The following CXCL13 variants were observed in gnomAD, a reference collection of about 807,000 sequenced individuals.
CXCL13 encodes C-X-C motif chemokine ligand 13, also known as C-X-C motif chemokine 13.
In CXCL13, 7 loss-of-function variants were observed where a neutral mutation model predicts 12.2. The ratio of observed to expected loss-of-function variants is 0.57; its 90% CI spans 0.33 to 1.07. The LOEUF (loss-of-function observed/expected upper bound fraction) is 1.07, where lower values mean the gene tolerates loss of function less well. Ranked by LOEUF, CXCL13 falls within the 50% of genes least tolerant of loss-of-function variation. The pLI, the probability that CXCL13 is intolerant of heterozygous loss-of-function variation, is 0.04. For missense variants in CXCL13, 113 were observed against 127.4 expected, an observed-to-expected ratio of 0.89 and a Z score of 0.55; for synonymous variants, 47 against 42.4, an observed-to-expected ratio of 1.11 and a Z score of -0.42.
At chr4:77,592,022 C>T (rs1278741818) in intron 1 of CXCL13, among the ~76,000 whole-genome samples, 1 of 152,196 alleles carries the variant, frequency 6.6e-6, no homozygotes, top group East Asian at 1.9e-4. Context: ...ACATTTCTGG[C>T]CACCTTGATC....
chr4:77,561,310 C>A (rs1725806134), intron 1 of CXCL13, among the ~76,000 whole-genome samples: 1 of 152,202 alleles, frequency 6.6e-6, no homozygotes, highest in South Asian at 2.1e-4. Context: ...CTAACAAGAT[C>A]TGCAGGTAAT....
At chr4:77,566,683 T>C (rs1307695880) in intron 1 of CXCL13, among the ~76,000 whole-genome samples, 2 of 152,196 alleles carry the variant, frequency 1.3e-5, no homozygotes, top group Non-Finnish European at 2.9e-5. Flanking sequence ...TTTCAGAGCC[T>C]CCTGTCCCCT....
chr4:77,573,431 G>A (rs1726140359), intron 1 of CXCL13, among the ~76,000 whole-genome samples: 1 of 149,090 alleles, frequency 6.7e-6, no homozygotes, highest in African/African-American at 2.5e-5. Context: ...TGTGTTTTAT[G>A]TGTATTTACA....
rs377466922 is a variant in CXCL13, at chr4:77,572,595, T to A, written c.-42-33229T>A. Among the ~76,000 whole-genome samples, 8 of 151,986 alleles carry A rather than the reference T, an allele frequency of 5.3e-5. No individual in the cohort carries two copies. The East Asian group carries it at 5.8e-4, about 11-fold the overall frequency. ...TAAGAAGTCAAAAAAAAATAGATGTTCGTGAGGTTGCAAAGAAAAAGGAAT... is the reference window on the plus strand; with the variant it reads ...TAAGAAGTCAAAAAAAAATAGATGTACGTGAGGTTGCAAAGAAAAAGGAAT... On this transcript the variant is annotated intron_variant, in intron 1 of 4. Transcript: ENST00000286758.
At chr4:77,536,114 C>A (rs1008357420) in intron 1 of CXCL13, among the ~76,000 whole-genome samples, 2 of 152,038 alleles carry the variant, frequency 1.3e-5, no homozygotes, top group Non-Finnish European at 1.5e-5. Context: ...AGAAAGGAAG[C>A]CCAGTGATGT....
chr4:77,528,845 TC>T (rs1724836320), intron 1 of CXCL13, among the ~76,000 whole-genome samples: 2 of 152,366 alleles, frequency 1.3e-5, no homozygotes, highest in South Asian at 2.1e-4. Context: ...AGACATGAAG[TC>T]CTTGCCCATG....
At chr4:77,521,453 A>G (rs901189817) in intron 1 of CXCL13, among the ~76,000 whole-genome samples, 6 of 152,112 alleles carry the variant, frequency 3.9e-5, no homozygotes, top group East Asian at 3.9e-4. Context: ...GGGAGGGTGT[A>G]TGTGTCCAGG....
chr4:77,610,759 C>T (rs1727126686), intron 3 of CXCL13, 65 bp downstream of exon 3: 1 of 1,256,914 alleles, frequency 8.0e-7, no homozygotes, highest in East Asian at 2.3e-5. Context: ...CTTTCCTGGG[C>T]AGTCAAAATA....
In CXCL13 at chr4:77,594,366, G is replaced by A. The variant is rs553877945; in HGVS notation, c.-42-11458G>A. ...GTCCTGGTAGCACCACTTATCTGGA[G>A]TACAGATCACTGGAGCCATTTGTCT... On this transcript the variant is annotated intron_variant, in intron 1 of 4. Coordinates refer to the CXCL13 transcript ENST00000286758. Among the ~76,000 whole-genome samples, 15 of 152,280 alleles carry A rather than the reference G, an allele frequency of 9.9e-5. No individual in the cohort carries two copies. The South Asian group carries it at 2.3e-3, about 23-fold the overall frequency.
intron 1 of CXCL13, among the ~76,000 whole-genome samples, chr4:77,516,023 G>A (rs1336674347): frequency 1.3e-5 from 2 of 152,202 alleles, no homozygotes; most frequent in African/African-American, 4.8e-5. Context: ...GTGAAGTGCT[G>A]TTGAATTTTG....
At chr4:77,552,385 G>GCA (rs1318681519) in intron 1 of CXCL13, among the ~76,000 whole-genome samples, 4 of 152,148 alleles carry the variant, frequency 2.6e-5, no homozygotes, top group African/African-American at 9.7e-5. Flanking sequence ...ATTTCTGTCA[G>GCA]CAGGTTTTAT....
Position 77,611,013 on chromosome 4 carries a change from C to A in CXCL13, c.304C>A (p.Pro102Thr). Residue 102 changes from proline to threonine, a missense_variant, in exon 4 of 4, where the codon CCA becomes ACA. Coordinates refer to ENST00000682537, the MANE Select transcript of CXCL13 (RefSeq NM_001371558.1). The part of the protein sequence containing the change: ...RKRSSSTLPV[P>T]VFKRKIP The stretch of plus-strand genomic sequence containing the variant: ...AAGAAGTTCTTCAACTCTACCAGTT[C>A]CAGTGTTTAAGAGAAAGATTCCCTG... 1.9e-6 allele frequency: 3 copies of A among 1,611,370 alleles called. No homozygotes were observed. Among genetic ancestry groups the A allele is most frequent in the Non-Finnish European group, 2.5e-6 (3 of 1,179,572 alleles).
At chr4:77,518,290 G>A (rs1179382134) in intron 1 of CXCL13, among the ~76,000 whole-genome samples, 3 of 152,124 alleles carry the variant, frequency 2.0e-5, no homozygotes, top group African/African-American at 7.2e-5. Context: ...TGCTGTTCTG[G>A]AGGAGTATCT....
intron 1 of CXCL13, among the ~76,000 whole-genome samples, chr4:77,544,828 A>T (rs1257416350): frequency 6.6e-6 from 1 of 152,146 alleles, no homozygotes; most frequent in Admixed American, 6.5e-5. Flanking sequence ...GTCCATGCCT[A>T]TGTCCTGAAT....
At chr4:77,527,477 C>T (rs1204429347) in intron 1 of CXCL13, among the ~76,000 whole-genome samples, 1 of 151,866 alleles carries the variant, frequency 6.6e-6, no homozygotes, top group Non-Finnish European at 1.5e-5. Context: ...ACAGAAAATA[C>T]AAAAATTAAC....
intron 1 of CXCL13, among the ~76,000 whole-genome samples, chr4:77,593,055 A>T (rs1484267131): frequency 6.6e-6 from 1 of 152,200 alleles, no homozygotes; most frequent in Non-Finnish European, 1.5e-5. Flanking sequence ...CTTAGAACAG[A>T]GCCCTCTTGA....
chr4:77,572,480 G>GA (rs1274682381), intron 1 of CXCL13, among the ~76,000 whole-genome samples: 1 of 151,626 alleles, frequency 6.6e-6, no homozygotes, highest in Non-Finnish European at 1.5e-5. Context: ...ACAATCGTAT[G>GA]AAAAAAAGCT....
Position 77,523,701 on chromosome 4 carries a change from C to G in CXCL13, c.-43+11913C>G, listed in dbSNP as rs564638663. ...AGTTTGTTATTACCGATTTCTGAAG[C>G]CTACTTCTGTCAACTCATCAAAGTC... On this transcript the variant is annotated intron_variant, in intron 1 of 4. Transcript: ENST00000286758. Among the ~76,000 whole-genome samples, 29 of 152,298 alleles carry G rather than the reference C, an allele frequency of 1.9e-4. No homozygotes were observed. In the South Asian group the frequency reaches 3.1e-3, roughly 16 times the overall value.
At chr4:77,515,509 A>G (rs1578030618) in intron 1 of CXCL13, among the ~76,000 whole-genome samples, 1 of 152,204 alleles carries the variant, frequency 6.6e-6, no homozygotes, top group Non-Finnish European at 1.5e-5. Context: ...GTTCTCCTTG[A>G]GGAGGTCCTT....
Sources: allele counts gnomAD v4.1 joint callset (sites outside exome capture counted in the v4.1 genomes callset), GRCh38; gene constraint gnomAD v4.1.1; transcripts MANE v1.5; gene names NCBI Gene and HGNC (gene_info 2026-07-23, HGNC 2026-07-21).